The following CSNK1G3 variants were observed in gnomAD, a reference collection of about 807,000 sequenced individuals.
CSNK1G3 encodes casein kinase 1 gamma 3.
Under a neutral mutation model 64.3 loss-of-function variants are expected in CSNK1G3, and 23 were observed. That is an observed-to-expected ratio of 0.36 (90% CI 0.26 to 0.51). CSNK1G3 has a LOEUF of 0.51. CSNK1G3 is among the 20% of genes least tolerant of loss of function. CSNK1G3 has a pLI of 0.96. For missense variants in CSNK1G3, 357 were observed against 510.5 expected, an observed-to-expected ratio of 0.70 and a Z score of 2.90; for synonymous variants, 158 against 162.2, an observed-to-expected ratio of 0.97 and a Z score of 0.20.
chr5:123,553,774 C>T (rs564913537), intron 3 of CSNK1G3, among the ~76,000 whole-genome samples: 4 of 152,338 alleles, frequency 2.6e-5, no homozygotes, highest in Admixed American at 1.3e-4. Flanking sequence ...GTAAGACATA[C>T]TTTTCCTGGT....
At chr5:123,614,094 C>A (rs1749026815) in intron 12 of CSNK1G3, among the ~76,000 whole-genome samples, 1 of 152,112 alleles carries the variant, frequency 6.6e-6, no homozygotes. Flanking sequence ...TAGTGAAAAA[C>A]CTTTTGAATT....
chr5:123,553,087 A>T lies in CSNK1G3; in HGVS notation c.179-20A>T. ...TAAAATCAATTACTGGCAGAATCTGATTTTTTTTTCTTTTTCAAGGGAAAA... is the reference window on the plus strand; with the variant it reads ...TAAAATCAATTACTGGCAGAATCTGTTTTTTTTTTCTTTTTCAAGGGAAAA... On this transcript the variant is annotated intron_variant, in intron 2 of 12. Coordinates refer to ENST00000345990, the Ensembl canonical transcript of CSNK1G3. 2 of 1,311,074 alleles carry T rather than the reference A, an allele frequency of 1.5e-6. No individual in the cohort carries two copies. The highest frequency in any genetic ancestry group is 2.1e-6 in the Non-Finnish European group (2 of 963,584). The allele number at this position is 1,311,074 out of a possible 1,614,324, so 81.2% of individuals were successfully genotyped here.
At chr5:123,576,734 C>T (rs2150750042) in intron 6 of CSNK1G3, among the ~76,000 whole-genome samples, 1 of 152,174 alleles carries the variant, frequency 6.6e-6, no homozygotes, top group East Asian at 1.9e-4. Flanking sequence ...GTGATGTGTT[C>T]TTAGTGCATC....
intron 1 of CSNK1G3, among the ~76,000 whole-genome samples, chr5:123,514,503 A>G (rs934038959): frequency 2.0e-5 from 3 of 152,238 alleles, no homozygotes; most frequent in East Asian, 1.9e-4. Flanking sequence ...ATGAAGATGA[A>G]TGAGACTCAG....
At chr5:123,571,251 T>C (rs1470012759) in intron 4 of CSNK1G3, among the ~76,000 whole-genome samples, 4 of 152,156 alleles carry the variant, frequency 2.6e-5, no homozygotes, top group Non-Finnish European at 5.9e-5. Flanking sequence ...ATTCCTGCTA[T>C]GATTACACTA....
At chr5:123,564,872 C>T (rs1786521417) in intron 4 of CSNK1G3, among the ~76,000 whole-genome samples, 2 of 152,104 alleles carry the variant, frequency 1.3e-5, no homozygotes, top group South Asian at 2.1e-4. Context: ...TTCATAGCAG[C>T]GCTTACTATT....
At chr5:123,600,097 A>AGC (rs10670356) in intron 10 of CSNK1G3, among the ~76,000 whole-genome samples, 35,383 of 151,746 alleles carry the variant, frequency 0.23, 4,198 homozygotes, top group Middle Eastern at 0.37. Flanking sequence ...TGTATACTTT[A>AGC]GCACAGGTTC....
intron 2 of CSNK1G3, among the ~76,000 whole-genome samples, chr5:123,551,121 C>T (rs1299812053): frequency 6.6e-6 from 1 of 152,100 alleles, no homozygotes; most frequent in Non-Finnish European, 1.5e-5. Context: ...GAATAAACAT[C>T]ATATACAAAA....
At chr5:123,591,832 G>A (rs1021037340) in intron 10 of CSNK1G3, among the ~76,000 whole-genome samples, 1 of 152,062 alleles carries the variant, frequency 6.6e-6, no homozygotes, top group African/African-American at 2.4e-5. Context: ...TGTCACCAGT[G>A]TCTAAAAGCA....
chr5:123,570,989 AAACTT>A (rs1272839380), intron 4 of CSNK1G3, among the ~76,000 whole-genome samples: 5 of 152,236 alleles, frequency 3.3e-5, no homozygotes, highest in African/African-American at 1.2e-4. Context: ...GAGTTGGAAT[AAACTT>A]AACAAGCCTC....
At chr5:123,523,419 T>TA (rs1778491696) in intron 1 of CSNK1G3, among the ~76,000 whole-genome samples, 1 of 152,194 alleles carries the variant, frequency 6.6e-6, no homozygotes, top group South Asian at 2.1e-4. Flanking sequence ...CCTCAGCAGT[T>TA]ACAGTGTTTT....
At chr5:123,597,275 G>A (rs1404966085) in intron 10 of CSNK1G3, among the ~76,000 whole-genome samples, 1 of 152,114 alleles carries the variant, frequency 6.6e-6, no homozygotes, top group Non-Finnish European at 1.5e-5. Context: ...TACAGGAGAT[G>A]CAAAGACTTT....
chr5:123,607,770 AT>A (rs1370743141), intron 12 of CSNK1G3, among the ~76,000 whole-genome samples: 1 of 152,230 alleles, frequency 6.6e-6, no homozygotes, highest in Non-Finnish European at 1.5e-5. Context: ...ATAGCAACTC[AT>A]AATATCAGTG....
chr5:123,581,092 T>C (rs1320487916), intron 6 of CSNK1G3, among the ~76,000 whole-genome samples: 1 of 151,836 alleles, frequency 6.6e-6, no homozygotes, highest in Non-Finnish European at 1.5e-5. Flanking sequence ...TCACACAGCT[T>C]TTTTGCAGTT....
At chr5:123,592,223 G>C (rs1391531343) in intron 10 of CSNK1G3, among the ~76,000 whole-genome samples, 2 of 151,972 alleles carry the variant, frequency 1.3e-5, no homozygotes, top group South Asian at 2.1e-4. Flanking sequence ...ATTTTGGGGA[G>C]AGTGAATAAT....
chr5:123,583,502 A>G (rs1383348626), intron 6 of CSNK1G3, among the ~76,000 whole-genome samples: 6 of 152,130 alleles, frequency 3.9e-5, no homozygotes, highest in Non-Finnish European at 2.9e-5. Flanking sequence ...CTGAGATTAC[A>G]GGCATGTGCC....
chr5:123,588,220 A>G, intron 7 of CSNK1G3, 67 bp downstream of exon 7: 1 of 1,241,664 alleles, frequency 8.1e-7, no homozygotes. Flanking sequence ...CTGTCTTCCA[A>G]CTAAACAGTT....
At chr5:123,594,073 A>C (rs993448239) in intron 10 of CSNK1G3, among the ~76,000 whole-genome samples, 1 of 152,108 alleles carries the variant, frequency 6.6e-6, no homozygotes, top group African/African-American at 2.4e-5. Flanking sequence ...AACTGTGGGG[A>C]AGTGGTTAAT....
intron 2 of CSNK1G3, among the ~76,000 whole-genome samples, chr5:123,547,454 T>A (rs1428401303): frequency 6.6e-6 from 1 of 152,112 alleles, no homozygotes; most frequent in Non-Finnish European, 1.5e-5. Flanking sequence ...TGTGTCTGTG[T>A]GTGTGTGTGT....
Sources: gnomAD v4.1 joint callset for allele counts (sites outside exome capture counted in the v4.1 genomes callset) on GRCh38, gnomAD v4.1.1 for gene constraint, MANE v1.5 for transcripts, NCBI Gene and HGNC (gene_info 2026-07-23, HGNC 2026-07-21) for gene names.